The following OSBPL9 variants were observed in gnomAD, a reference collection of about 807,000 sequenced individuals.
The protein encoded by OSBPL9 is oxysterol binding protein like 9.
In OSBPL9, 40 loss-of-function variants were observed where a neutral mutation model predicts 106.6. That is an observed-to-expected ratio of 0.38 (90% CI 0.29 to 0.49). The LOEUF (loss-of-function observed/expected upper bound fraction) is 0.49, where lower values mean the gene tolerates loss of function less well. OSBPL9 is among the 20% of genes least tolerant of loss of function. The pLI is 0.97. For missense variants in OSBPL9, 609 were observed against 887.2 expected, an observed-to-expected ratio of 0.69 and a Z score of 3.98; for synonymous variants, 269 against 295.4, an observed-to-expected ratio of 0.91 and a Z score of 0.92.
chr1:51,519,370 C>T, the OSBPL9 span: 18,759 of 311,908 alleles, frequency 0.06, 846 homozygotes, highest in East Asian at 0.068. Context: ...ACTTCCCTCC[C>T]CACGCCCGCC....
the OSBPL9 span, among the ~76,000 whole-genome samples, chr1:51,522,634 A>G: frequency 2.0e-5 from 3 of 152,222 alleles, no homozygotes; most frequent in Non-Finnish European, 2.9e-5. Flanking sequence ...AATCGAATAT[A>G]TGTTATAATC....
rs188411828 is a variant in OSBPL9 at position 51,754,022 on chromosome 1, C to G, written c.544-2298C>G. Among the ~76,000 whole-genome samples, 71 of 152,350 alleles carry G rather than the reference C, an allele frequency of 4.7e-4. 3 individuals are homozygous for G. In the South Asian group the frequency reaches 0.012, roughly 25 times the overall value. The stretch of plus-strand genomic sequence containing the variant: ...TGTTATCTCAGAAGACATCCCTCCC[C>G]TTACCCTTGGTGGAGACAGCTGATG... On this transcript the variant is annotated intron_variant, in intron 8 of 23. Transcript: ENST00000428468.
At chr1:51,657,862 C>T (rs1319467526) in intron 2 of OSBPL9, among the ~76,000 whole-genome samples, 1 of 152,060 alleles carries the variant, frequency 6.6e-6, no homozygotes, top group Admixed American at 6.5e-5. Context: ...CTTTGGGAGG[C>T]TGATTCAGGA....
chr1:51,739,233 A>T (rs892037713), intron 4 of OSBPL9, among the ~76,000 whole-genome samples: 3 of 151,992 alleles, frequency 2.0e-5, no homozygotes, highest in Non-Finnish European at 2.9e-5. Context: ...TCAAAGGACT[A>T]GGTTGATATC....
intron 4 of OSBPL9, among the ~76,000 whole-genome samples, chr1:51,736,884 A>G (rs1665824483): frequency 6.6e-6 from 1 of 152,190 alleles, no homozygotes; most frequent in East Asian, 1.9e-4. Context: ...AGCCTAACCA[A>G]CTAAAGTATC....
At chr1:51,521,717 A>C in the OSBPL9 span, among the ~76,000 whole-genome samples, 162 of 152,264 alleles carry the variant, frequency 1.1e-3, 1 homozygote, top group African/African-American at 3.9e-3. Context: ...AACACCTTGT[A>C]TGTATACAGT....
intron 2 of OSBPL9, among the ~76,000 whole-genome samples, chr1:51,653,060 A>G (rs1170343774): frequency 1.3e-5 from 2 of 152,252 alleles, no homozygotes; most frequent in Non-Finnish European, 2.9e-5. Context: ...ACACCAAATT[A>G]TAATAGAAAA....
intron 11 of OSBPL9, among the ~76,000 whole-genome samples, chr1:51,764,101 C>A (rs1016859910): frequency 6.6e-6 from 1 of 152,136 alleles, no homozygotes; most frequent in African/African-American, 2.4e-5. Context: ...TTCATCCTAA[C>A]TTCATTTTCT....
the OSBPL9 span, among the ~76,000 whole-genome samples, chr1:51,532,389 G>T: frequency 1.3e-5 from 2 of 152,174 alleles, no homozygotes; most frequent in Non-Finnish European, 2.9e-5. Context: ...GCAGGGGAAA[G>T]AATTGGCTTT....
intron 7 of OSBPL9, among the ~76,000 whole-genome samples, chr1:51,749,230 C>T (rs1176559117): frequency 6.6e-6 from 1 of 152,118 alleles, no homozygotes; most frequent in Non-Finnish European, 1.5e-5. Flanking sequence ...GTACCTTGCT[C>T]AAAATTTTAA....
chr1:51,697,304 T>C (rs1656242860), intron 3 of OSBPL9, among the ~76,000 whole-genome samples: 1 of 152,140 alleles, frequency 6.6e-6, no homozygotes, highest in African/African-American at 2.4e-5. Context: ...CTTGCTCATA[T>C]ACCAAACATA....
intron 2 of OSBPL9, among the ~76,000 whole-genome samples, chr1:51,609,586 C>G (rs1643972484): frequency 6.6e-6 from 1 of 150,776 alleles, no homozygotes; most frequent in Non-Finnish European, 1.5e-5. Flanking sequence ...TGAAGTGATC[C>G]TCCTGCCTCA....
At chr1:51,667,170 G>A (rs1210118090) in intron 2 of OSBPL9, among the ~76,000 whole-genome samples, 1 of 152,212 alleles carries the variant, frequency 6.6e-6, no homozygotes, top group Non-Finnish European at 1.5e-5. Flanking sequence ...AAGAGAAAGA[G>A]CAGGCATTTG....
chr1:51,677,833 G>A (rs1416680116), intron 3 of OSBPL9, among the ~76,000 whole-genome samples: 4 of 152,090 alleles, frequency 2.6e-5, no homozygotes, highest in Admixed American at 6.5e-5. Flanking sequence ...ACAGATGTGA[G>A]CCACTGTGCC....
chr1:51,609,757 T>TC, intron 2 of OSBPL9, among the ~76,000 whole-genome samples: 1 of 151,986 alleles, frequency 6.6e-6, no homozygotes, highest in East Asian at 1.9e-4. Context: ...TATTTTTTTT[T>TC]TTTTTTTTAG....
upstream of OSBPL9, among the ~76,000 whole-genome samples, chr1:51,614,105 C>T (rs765836029): frequency 2.6e-5 from 4 of 151,986 alleles, no homozygotes; most frequent in Non-Finnish European, 4.4e-5. Context: ...AGATGCCAAA[C>T]GTCTACCTTA....
chr1:51,646,256 G>A (rs1646146412), intron 1 of OSBPL9, among the ~76,000 whole-genome samples: 1 of 152,040 alleles, frequency 6.6e-6, no homozygotes, highest in Admixed American at 6.6e-5. Context: ...AGAGCATGAG[G>A]TATCTTTCTA....
chr1:51,610,330 C>G (rs1004482147), intron 2 of OSBPL9, among the ~76,000 whole-genome samples: 2 of 152,096 alleles, frequency 1.3e-5, no homozygotes, highest in African/African-American at 4.8e-5. Context: ...GGCGCAATCT[C>G]TGCTCACTGC....
chr1:51,777,990 A>G (rs1675455219), intron 15 of OSBPL9, among the ~76,000 whole-genome samples: 1 of 151,674 alleles, frequency 6.6e-6, no homozygotes, highest in Non-Finnish European at 1.5e-5. Context: ...CTGTCCCTAC[A>G]AAAAAAAATT....
Sources: allele counts gnomAD v4.1 joint callset (sites outside exome capture counted in the v4.1 genomes callset), GRCh38; gene constraint gnomAD v4.1.1; transcripts MANE v1.5; gene names NCBI Gene and HGNC (gene_info 2026-07-23, HGNC 2026-07-21).